HIVEP1: variants seen among roughly 807,000 people sequenced by gnomAD.
HIVEP1 encodes HIVEP zinc finger 1, also known as zinc finger protein 40.
HIVEP1 carries 36 observed loss-of-function variants against 180.0 expected under a neutral mutation model. The ratio of observed to expected loss-of-function variants is 0.20; its 90% CI spans 0.15 to 0.26. The LOEUF (loss-of-function observed/expected upper bound fraction) is 0.26. Ranked by LOEUF, HIVEP1 falls within the 10% of genes least tolerant of loss-of-function variation. HIVEP1 has a pLI of 1.00. For synonymous variants in HIVEP1, 1,239 were observed against 1,239.0 expected (o/e 1.00, Z 0.00); for missense variants, 3,143 against 3,268.7 (o/e 0.96, Z 0.94).
At chr6:12,195,058 G>A in the HIVEP1 span, among the ~76,000 whole-genome samples, 1 of 152,144 alleles carries the variant, frequency 6.6e-6, no homozygotes, top group Non-Finnish European at 1.5e-5. Flanking sequence ...TTCCTCACAA[G>A]AAAAACTGAA....
chr6:12,082,503 G>C (rs191008343), intron 2 of HIVEP1, among the ~76,000 whole-genome samples: 1 of 151,998 alleles, frequency 6.6e-6, no homozygotes, highest in African/African-American at 2.4e-5. Context: ...TGATACCCGC[G>C]GTCAAATTTT....
At chr6:12,147,495 C>T (rs1178018913) in intron 7 of HIVEP1, among the ~76,000 whole-genome samples, 2 of 152,064 alleles carry the variant, frequency 1.3e-5, no homozygotes, top group African/African-American at 4.8e-5. Context: ...ATCTGTGACC[C>T]TTGAATTTTC....
chr6:12,096,057 A>T (rs1773765745), intron 3 of HIVEP1, among the ~76,000 whole-genome samples: 1 of 151,982 alleles, frequency 6.6e-6, no homozygotes, highest in Admixed American at 6.6e-5. Flanking sequence ...TTTTTTTAAC[A>T]TTATTTTCTG....
chr6:12,075,870 A>G (rs1327460133), intron 2 of HIVEP1, among the ~76,000 whole-genome samples: 1 of 152,226 alleles, frequency 6.6e-6, no homozygotes, highest in Admixed American at 6.5e-5. Context: ...ACAAAAATAA[A>G]GAAGAGTAAT....
At chr6:12,204,279 T>C in the HIVEP1 span, among the ~76,000 whole-genome samples, 1 of 146,706 alleles carries the variant, frequency 6.8e-6, no homozygotes, top group African/African-American at 2.5e-5. Flanking sequence ...AGAGTTTCTC[T>C]TGGGCTCAGC....
chr6:12,182,556 A>G, the HIVEP1 span, among the ~76,000 whole-genome samples: 8 of 152,338 alleles, frequency 5.3e-5, no homozygotes, highest in East Asian at 1.3e-3. Flanking sequence ...AGTTTAGTTC[A>G]GGGCTGAAGG....
intron 7 of HIVEP1, among the ~76,000 whole-genome samples, chr6:12,138,679 C>A (rs537264285): frequency 6.6e-6 from 1 of 152,208 alleles, no homozygotes; most frequent in East Asian, 1.9e-4. Flanking sequence ...CTTCAGATAC[C>A]ATTTCTGTGC....
At position 12,164,466 on chromosome 6, in the gene HIVEP1, T is replaced by C; in HGVS notation, c.*5T>C. 2 of 1,567,116 alleles carry C rather than the reference T, an allele frequency of 1.3e-6. No individual in the cohort carries two copies. Among genetic ancestry groups the C allele is most frequent in the Non-Finnish European group, 1.7e-6 (2 of 1,161,526 alleles). On this transcript the variant is annotated 3_prime_UTR_variant, in exon 9 of 9. Coordinates refer to ENST00000379388, the MANE Select transcript of HIVEP1 (RefSeq NM_002114.4). ...AGGCTTGTGATAGCAACCTGATGGA[T>C]TTTATTTTTTATTTGCTTTTTTTTT...
At chr6:12,056,650 A>G (rs1458585959) in intron 2 of HIVEP1, among the ~76,000 whole-genome samples, 1 of 152,050 alleles carries the variant, frequency 6.6e-6, no homozygotes, top group African/African-American at 2.4e-5. Context: ...TTGTAATTTT[A>G]TTACATTGTC....
the HIVEP1 span, among the ~76,000 whole-genome samples, chr6:12,187,668 C>G: frequency 6.6e-6 from 1 of 150,892 alleles, no homozygotes; most frequent in Admixed American, 6.6e-5. Flanking sequence ...TCCTGGCTCA[C>G]TGCAACCTCT....
chr6:12,130,037 A>G (rs1333729303), intron 5 of HIVEP1, 145 bp downstream of exon 5: 5 of 616,398 alleles, frequency 8.1e-6, no homozygotes, highest in South Asian at 2.1e-5. Flanking sequence ...CCATAGCAAA[A>G]TATGTTAACA....
intron 7 of HIVEP1, among the ~76,000 whole-genome samples, chr6:12,149,685 CTAAT>C (rs1323840798): frequency 6.6e-6 from 1 of 152,186 alleles, no homozygotes; most frequent in African/African-American, 2.4e-5. Flanking sequence ...ATATTTCTTT[CTAAT>C]TAATGTCAGT....
chr6:12,050,599 T>C (rs900820281), intron 2 of HIVEP1, among the ~76,000 whole-genome samples: 4 of 144,884 alleles, frequency 2.8e-5, no homozygotes, highest in African/African-American at 7.9e-5. Context: ...AAAAAAAAAA[T>C]AAAAAAATTA....
intron 2 of HIVEP1, among the ~76,000 whole-genome samples, chr6:12,072,174 C>T (rs1255747168): frequency 1.3e-5 from 2 of 151,934 alleles, no homozygotes; most frequent in African/African-American, 2.4e-5. Context: ...GTGCTCTGTC[C>T]CCTGCTATGG....
At chr6:12,011,270 T>TGCCCC (rs1767268015), upstream of HIVEP1, among the ~76,000 whole-genome samples, 3 of 71,622 alleles carry the variant, frequency 4.2e-5, no homozygotes, top group African/African-American at 1.2e-4. Context: ...CCCCTTGGGG[T>TGCCCC]CCCCCCCCCC....
Position 12,123,720 on chromosome 6 carries a change from G to C in HIVEP1, c.3925G>C (p.Glu1309Gln). Residue 1309 changes from glutamate to glutamine, a missense_variant, in exon 4 of 9, where the codon GAG becomes CAG. Transcript: ENST00000379388. ...CACTCTCTCCAGGAGTCTAAGTAGG[G>C]AGAGCAGTTTATCTCACACTTCAAG... Reference protein sequence around the residue: ...DSTLSRSLSRESSLSHTSSFS... With the variant: ...DSTLSRSLSRQSSLSHTSSFS... 1 of 1,614,118 alleles carries C rather than the reference G, an allele frequency of 6.2e-7. No individual in the cohort carries two copies. The highest frequency in any genetic ancestry group is 1.3e-5 in the African/African-American group (1 of 75,040).
intron 7 of HIVEP1, among the ~76,000 whole-genome samples, chr6:12,160,967 A>G (rs561151732): frequency 1.3e-5 from 2 of 152,346 alleles, no homozygotes; most frequent in East Asian, 1.9e-4. Flanking sequence ...AAGAAAATGT[A>G]TGTTGCTCAC....
At chr6:12,068,125 T>G (rs1213375686) in intron 2 of HIVEP1, among the ~76,000 whole-genome samples, 1 of 152,158 alleles carries the variant, frequency 6.6e-6, no homozygotes, top group Non-Finnish European at 1.5e-5. Context: ...AGTTTCGCCC[T>G]CGTTGCCCAG....
chr6:12,008,393 G>A (rs943822064), upstream of HIVEP1: 6 of 152,254 alleles, frequency 3.9e-5, no homozygotes, highest in African/African-American at 1.2e-4. Context: ...TGTGCTACGG[G>A]TGGAGGGAAA....
Sources: allele counts gnomAD v4.1 joint callset (sites outside exome capture counted in the v4.1 genomes callset), GRCh38; gene constraint gnomAD v4.1.1; transcripts MANE v1.5; gene names NCBI Gene and HGNC (gene_info 2026-07-23, HGNC 2026-07-21).